Variants in CAST observed in about 807,000 individuals in gnomAD.
CAST encodes MIR583 host.
A neutral mutation model predicts 119.6 loss-of-function variants in CAST; 76 were observed. The ratio of observed to expected loss-of-function variants is 0.64; its 90% CI spans 0.53 to 0.77. The LOEUF (loss-of-function observed/expected upper bound fraction) is 0.77. Among genes scored for constraint, CAST ranks in the 30% least tolerant of loss-of-function variants. The probability of loss-of-function intolerance (pLI) is 0.00; values close to 1 mark genes in which losing one functional copy is unlikely to be tolerated. For missense variants in CAST, 953 were observed against 946.5 expected (o/e 1.01, Z -0.09); for synonymous variants, 319 against 331.6 (o/e 0.96, Z 0.41).
chr5:96,013,561 A>G, the CAST span, among the ~76,000 whole-genome samples: 130 of 152,200 alleles, frequency 8.5e-4, no homozygotes, highest in African/African-American at 2.9e-3. Flanking sequence ...TACTTAACAT[A>G]TGGGGACACC....
chr5:96,509,315 G>C, the CAST span, among the ~76,000 whole-genome samples: 2 of 152,240 alleles, frequency 1.3e-5, no homozygotes, highest in South Asian at 2.1e-4. Context: ...GAGGTGTCAG[G>C]GTTAATTATT....
rs1554066267 is a variant in CAST at position 96,534,743 on chromosome 5, A to AGAGAGAGAAAGAGAAAG, written c.60+4863_60+4864insGAGAGAGAAAGAGAAAG. 5.1e-4 allele frequency among the ~76,000 whole-genome samples: 29 copies of AGAGAGAGAAAGAGAAAG among 56,600 alleles called. 5 individuals are homozygous for AGAGAGAGAAAGAGAAAG. The highest frequency in any genetic ancestry group is 2.4e-3 in the African/African-American group (29 of 12,316). 37.1% of individuals were successfully genotyped at this position (56,600 alleles called of 152,430 possible). On this transcript the variant is annotated intron_variant, in intron 1 of 11. Transcript: ENST00000505143. Reference sequence around the variant, plus strand: ...AGAGAGAGAGAGAGAGAGAGAGAGAAAGAAAGAAAGAAAGAAAGAAAGAAA... The same window carrying AGAGAGAGAAAGAGAAAG: ...AGAGAGAGAGAGAGAGAGAGAGAGAAGAGAGAGAAAGAGAAAGAGAAAGAAAGAAAGAAAGAAAGAAA...
At chr5:96,357,361 A>G in the CAST span, among the ~76,000 whole-genome samples, 2 of 152,182 alleles carry the variant, frequency 1.3e-5, no homozygotes, top group Non-Finnish European at 2.9e-5. Context: ...AGAACTTCCA[A>G]TACTATGTTT....
At chr5:95,983,594 A>T in the CAST span, among the ~76,000 whole-genome samples, 1 of 152,234 alleles carries the variant, frequency 6.6e-6, no homozygotes, top group Non-Finnish European at 1.5e-5. Flanking sequence ...GTATGTGAAT[A>T]CAGATTACTC....
chr5:96,195,049 G>A, the CAST span, among the ~76,000 whole-genome samples: 7 of 152,346 alleles, frequency 4.6e-5, no homozygotes, highest in East Asian at 9.6e-4. Context: ...ATTAATACAC[G>A]AGAGGCTTTC....
the CAST span, among the ~76,000 whole-genome samples, chr5:96,033,367 G>T: frequency 6.6e-6 from 1 of 152,048 alleles, no homozygotes; most frequent in African/African-American, 2.4e-5. Context: ...AAAGTGTAGA[G>T]GTAGAGGTAT....
intron 3 of CAST, 56 bp downstream of exon 3, chr5:96,695,963 T>G: frequency 8.2e-7 from 1 of 1,224,490 alleles, no homozygotes; most frequent in Admixed American, 2.0e-5. Flanking sequence ...GGGATATGAT[T>G]AGTGGGTGGG....
the CAST span, chr5:96,318,527 T>G: frequency 6.6e-6 from 1 of 152,194 alleles, no homozygotes; most frequent in Non-Finnish European, 1.5e-5. Flanking sequence ...CATGAAGGCT[T>G]TCTTGGTACT....
At chr5:96,431,508 C>T in the CAST span, among the ~76,000 whole-genome samples, 7 of 152,156 alleles carry the variant, frequency 4.6e-5, no homozygotes, top group East Asian at 1.3e-3. Context: ...CCTCTAGATT[C>T]TTGATTACTT....
chr5:96,274,637 C>T, the CAST span, among the ~76,000 whole-genome samples: 1 of 152,340 alleles, frequency 6.6e-6, no homozygotes, highest in South Asian at 2.1e-4. Flanking sequence ...TCACCCATTA[C>T]ATCCCAGAGA....
chr5:96,547,365 G>A (rs1746037570), intron 1 of CAST, among the ~76,000 whole-genome samples: 1 of 152,192 alleles, frequency 6.6e-6, no homozygotes, highest in African/African-American at 2.4e-5. Flanking sequence ...CAGAAGGAAG[G>A]AGGGTGCCAC....
intron 11 of CAST, among the ~76,000 whole-genome samples, chr5:96,739,372 CT>C (rs1762248885): frequency 1.3e-5 from 2 of 152,054 alleles, no homozygotes; most frequent in Non-Finnish European, 2.9e-5. Flanking sequence ...AAATTCAGTG[CT>C]TTATAGTGGT....
intron 1 of CAST, among the ~76,000 whole-genome samples, chr5:96,643,022 A>C (rs559220204): frequency 1.9e-5 from 2 of 106,032 alleles, no homozygotes; most frequent in Non-Finnish European, 4.2e-5. Context: ...CTGCTAAGGG[A>C]CAGCATTAGC....
chr5:96,774,666 A>G lies in CAST; in HGVS notation c.*2050A>G. ...CAAGGCATAAAATACAATTAAAGCA[A>G]AATATTTTACATTAAAATCTTGGTT... On this transcript the variant is annotated 3_prime_UTR_variant, in exon 32 of 32. Coordinates refer to ENST00000675179, the MANE Select transcript of CAST (RefSeq NM_001750.7). 1.0e-6 allele frequency: 1 copy of G among 983,660 alleles called. No individual in the cohort carries two copies. Among genetic ancestry groups the G allele is most frequent in the Non-Finnish European group, 1.2e-6 (1 of 828,192 alleles). The allele number at this position is 983,660 out of a possible 1,614,324, so 60.9% of individuals were successfully genotyped here.
chr5:96,467,756 C>G, the CAST span, among the ~76,000 whole-genome samples: 1 of 151,480 alleles, frequency 6.6e-6, no homozygotes, highest in Non-Finnish European at 1.5e-5. Context: ...GATGTGGTAA[C>G]AAGAAGGAAC....
At chr5:96,422,666 T>C in the CAST span, among the ~76,000 whole-genome samples, 4 of 152,206 alleles carry the variant, frequency 2.6e-5, no homozygotes, top group Non-Finnish European at 5.9e-5. Flanking sequence ...TGGGGAATGT[T>C]TGATAGGTGG....
chr5:96,563,559 C>A (rs2150185332), intron 1 of CAST, among the ~76,000 whole-genome samples: 1 of 152,214 alleles, frequency 6.6e-6, no homozygotes, highest in East Asian at 1.9e-4. Flanking sequence ...GAACTGTTGA[C>A]TGGGGCATGG....
chr5:96,350,553 A>G, the CAST span, among the ~76,000 whole-genome samples: 10 of 152,236 alleles, frequency 6.6e-5, no homozygotes, highest in South Asian at 2.1e-3. Flanking sequence ...TAGTGGGCAA[A>G]TTGTAAGGGA....
At chr5:96,608,209 G>C (rs970931996) in intron 1 of CAST, among the ~76,000 whole-genome samples, 8 of 152,156 alleles carry the variant, frequency 5.3e-5, no homozygotes, top group Admixed American at 3.9e-4. Context: ...TTGTCTCTCT[G>C]TGCCTGGTTT....
Sources: allele counts gnomAD v4.1 joint callset (sites outside exome capture counted in the v4.1 genomes callset), GRCh38; gene constraint gnomAD v4.1.1; transcripts MANE v1.5; gene names NCBI Gene and HGNC (gene_info 2026-07-23, HGNC 2026-07-21).